ATP8A2: variants seen among roughly 807,000 people sequenced by gnomAD.
The protein encoded by ATP8A2 is ATPase phospholipid transporting 8A2.
Under a neutral mutation model 165.6 loss-of-function variants are expected in ATP8A2, and 100 were observed. The ratio of observed to expected loss-of-function variants is 0.60; its 90% CI spans 0.51 to 0.71. The LOEUF is 0.71. ATP8A2 is among the 30% of genes least tolerant of loss of function. ATP8A2 has a pLI of 0.00. For synonymous variants in ATP8A2, 543 were observed against 548.8 expected, an observed-to-expected ratio of 0.99 and a Z score of 0.15; for missense variants, 1,227 against 1,479.5, an observed-to-expected ratio of 0.83 and a Z score of 2.80.
At chr13:25,465,712 TTTCTTTC>T (rs1404923313) in intron 1 of ATP8A2, among the ~76,000 whole-genome samples, 3 of 12,128 alleles carry the variant, frequency 2.5e-4, no homozygotes, top group African/African-American at 3.3e-4. Context: ...TCTTTCTTTC[TTTCTTTC>T]TTTCTTTCTT....
chr13:25,601,497 C>T lies in ATP8A2; in HGVS notation c.2211+11798C>T, dbSNP rs117207179. 2.1e-3 allele frequency among the ~76,000 whole-genome samples: 314 copies of T among 152,270 alleles called. 2 individuals are homozygous for T. Among genetic ancestry groups the T allele is most frequent in the Non-Finnish European group, 3.7e-3 (252 of 68,012 alleles). ...TTGTTGTTTGTGTTGTTTTTTGAGA[C>T]GGAGTCTCGTTCTGTCACCCATGCT... is the stretch of plus-strand genomic sequence containing the variant. On this transcript the variant is annotated intron_variant, in intron 24 of 36. Coordinates refer to ENST00000381655, the MANE Select transcript of ATP8A2 (RefSeq NM_016529.6).
Position 25,790,693 on chromosome 13 carries a change from C to CAAAAA in ATP8A2, c.2679+15746_2679+15750dup, listed in dbSNP as rs113185440. 1.5e-4 allele frequency among the ~76,000 whole-genome samples: 14 copies of CAAAAA among 92,660 alleles called. 1 individual carries two copies. The South Asian group carries it at 3.6e-3, about 24-fold the overall frequency. 60.8% of individuals were successfully genotyped at this position (92,660 alleles called of 152,430 possible). On this transcript the variant is annotated intron_variant, in intron 27 of 36. Coordinates refer to ENST00000381655, the MANE Select transcript of ATP8A2 (RefSeq NM_016529.6). ...TGGGCAACAAAGTGAGACCTTGTCT[C>CAAAAA]AAAAAAAAAAAAAAAATAAGCAAAG...
chr13:25,903,251 G>A (rs926000989), intron 33 of ATP8A2, among the ~76,000 whole-genome samples: 1 of 152,020 alleles, frequency 6.6e-6, no homozygotes. Context: ...GTCTCCATAC[G>A]CAAACAGCCC....
At chr13:25,684,177 G>A (rs1165617899) in intron 24 of ATP8A2, among the ~76,000 whole-genome samples, 3 of 152,224 alleles carry the variant, frequency 2.0e-5, no homozygotes, top group East Asian at 1.9e-4. Flanking sequence ...TATTGACTGC[G>A]CTTAGCAGAG....
intron 24 of ATP8A2, among the ~76,000 whole-genome samples, chr13:25,630,500 A>G (rs938091248): frequency 6.6e-6 from 1 of 152,134 alleles, no homozygotes; most frequent in African/African-American, 2.4e-5. Flanking sequence ...CTCATTTCAC[A>G]TGCATCACTG....
rs546972294 is a variant in ATP8A2, at chr13:25,499,108, G to A, written c.221+29987G>A. Among the ~76,000 whole-genome samples the A allele has an allele frequency of 5.9e-5, 9 of 152,226 alleles. 1 individual carries two copies. The highest frequency in any genetic ancestry group is 1.9e-4 in the African/African-American group (8 of 41,534). On this transcript the variant is annotated intron_variant, in intron 2 of 36. Coordinates refer to ENST00000381655, the MANE Select transcript of ATP8A2 (RefSeq NM_016529.6). ...CCCCAAGATCCATTCTCTATCCTGC[G>A]CCAATTGTTGCCCTATATTCTGGCC...
At chr13:25,718,755 T>C (rs2043308652) in intron 25 of ATP8A2, among the ~76,000 whole-genome samples, 3 of 152,212 alleles carry the variant, frequency 2.0e-5, no homozygotes, top group Non-Finnish European at 2.9e-5. Flanking sequence ...TTGTTTTACA[T>C]TGATTTTACT....
chr13:25,747,156 G>A (rs2044050414), intron 25 of ATP8A2, among the ~76,000 whole-genome samples: 1 of 152,144 alleles, frequency 6.6e-6, no homozygotes, highest in Non-Finnish European at 1.5e-5. Flanking sequence ...ATACATATAA[G>A]AAAACTGGAA....
At chr13:25,646,568 T>C (rs879270104) in intron 24 of ATP8A2, among the ~76,000 whole-genome samples, 3 of 149,954 alleles carry the variant, frequency 2.0e-5, no homozygotes, top group Non-Finnish European at 4.4e-5. Context: ...AGGTAGAGAA[T>C]TGCTTGAACC....
chr13:26,000,988 T>A (rs1481070951), intron 35 of ATP8A2, among the ~76,000 whole-genome samples: 2 of 152,156 alleles, frequency 1.3e-5, no homozygotes, highest in African/African-American at 4.8e-5. Flanking sequence ...TATTTTCATC[T>A]CCCCAAAAGG....
intron 25 of ATP8A2, among the ~76,000 whole-genome samples, chr13:25,713,890 A>T (rs1436795916): frequency 6.6e-6 from 1 of 152,260 alleles, no homozygotes; most frequent in African/African-American, 2.4e-5. Context: ...GGCCTGGGAG[A>T]AGAGCTGGCC....
intron 1 of ATP8A2, among the ~76,000 whole-genome samples, chr13:25,442,456 C>G (rs2034956945): frequency 6.6e-6 from 1 of 152,166 alleles, no homozygotes; most frequent in Non-Finnish European, 1.5e-5. Flanking sequence ...CTCTGTCACC[C>G]ACGTTGAAGT....
chr13:25,774,800 T>G lies in ATP8A2; in HGVS notation c.2569-49T>G, dbSNP rs754292641. On this transcript the variant is annotated intron_variant, in intron 26 of 36. Coordinates refer to ENST00000381655, the MANE Select transcript of ATP8A2 (RefSeq NM_016529.6). ...ATAAGGACATTCTGTTTGTGACTTT[T>G]ATTCCTCAATGATGGGCTCTTCTGA... The G allele has an allele frequency of 2.7e-6, 3 of 1,095,894 alleles. No homozygotes were observed. In the South Asian group the frequency reaches 3.9e-5, roughly 14 times the overall value. 67.9% of individuals were successfully genotyped at this position (1,095,894 alleles called of 1,614,324 possible).
chr13:25,730,729 T>C (rs1236902283), intron 25 of ATP8A2, among the ~76,000 whole-genome samples: 1 of 152,208 alleles, frequency 6.6e-6, no homozygotes, highest in Non-Finnish European at 1.5e-5. Flanking sequence ...GCTTACTATG[T>C]AAGCTGGGAT....
At chr13:25,560,700 CAAAAAAAAAAAA>C (rs748751011) in intron 15 of ATP8A2, among the ~76,000 whole-genome samples, 5 of 63,292 alleles carry the variant, frequency 7.9e-5, no homozygotes, top group African/African-American at 3.0e-4. Context: ...ACTCTTGTCT[CAAAAAAAAAAAA>C]AAAAAAAAAA....
At chr13:25,814,284 C>T (rs1950954053) in intron 27 of ATP8A2, among the ~76,000 whole-genome samples, 1 of 152,014 alleles carries the variant, frequency 6.6e-6, no homozygotes, top group Admixed American at 6.6e-5. Flanking sequence ...TTATCCTTAT[C>T]ATTAAAAATT....
intron 16 of ATP8A2, among the ~76,000 whole-genome samples, chr13:25,570,315 G>T (rs932744302): frequency 5.9e-5 from 9 of 152,170 alleles, no homozygotes; most frequent in Admixed American, 2.0e-4. Context: ...GGAGGATCTT[G>T]CGAGAGTGAG....
chr13:25,443,113 T>C (rs2034977187), intron 1 of ATP8A2, among the ~76,000 whole-genome samples: 1 of 152,234 alleles, frequency 6.6e-6, no homozygotes, highest in Admixed American at 6.5e-5. Context: ...TAAGAAATCA[T>C]TGCCAAATTC....
chr13:25,462,401 T>G (rs1444835981), intron 1 of ATP8A2, among the ~76,000 whole-genome samples: 1 of 152,160 alleles, frequency 6.6e-6, no homozygotes. Context: ...GCTACACTTA[T>G]GGTTACAGTT....
Sources: gnomAD v4.1 joint callset for allele counts (sites outside exome capture counted in the v4.1 genomes callset) on GRCh38, gnomAD v4.1.1 for gene constraint, MANE v1.5 for transcripts, NCBI Gene and HGNC (gene_info 2026-07-23, HGNC 2026-07-21) for gene names.